EXOC4: variants seen among roughly 807,000 people sequenced by gnomAD.
The protein encoded by EXOC4 is exocyst complex component 4, also known as SEC8-like 1.
EXOC4 carries 71 observed loss-of-function variants against 107.2 expected under a neutral mutation model. That is an observed-to-expected ratio of 0.66 (90% CI 0.55 to 0.81). The LOEUF (loss-of-function observed/expected upper bound fraction) is 0.81. Ranked by LOEUF, EXOC4 falls within the 30% of genes least tolerant of loss-of-function variation. The pLI is 0.00. For synonymous variants in EXOC4, 456 were observed against 441.2 expected, an observed-to-expected ratio of 1.03 and a Z score of -0.42; for missense variants, 1,108 against 1,189.6, an observed-to-expected ratio of 0.93 and a Z score of 1.01.
chr7:133,348,069 A>G (rs1182135639), intron 5 of EXOC4, among the ~76,000 whole-genome samples: 2 of 152,160 alleles, frequency 1.3e-5, no homozygotes, highest in Non-Finnish European at 2.9e-5. Flanking sequence ...TATAATTCTG[A>G]TGTGAGACTT....
chr7:134,050,881 G>A (rs915508153), intron 17 of EXOC4, among the ~76,000 whole-genome samples: 1 of 152,082 alleles, frequency 6.6e-6, no homozygotes, highest in Non-Finnish European at 1.5e-5. Context: ...AGAACTGGGG[G>A]TTAGTCTAGG....
chr7:133,363,026 G>T (rs1584853345), intron 6 of EXOC4, among the ~76,000 whole-genome samples: 1 of 152,184 alleles, frequency 6.6e-6, no homozygotes, highest in African/African-American at 2.4e-5. Flanking sequence ...AAGGGCCTCC[G>T]TGTAATTTAG....
At chr7:133,386,740 T>G (rs1056412320) in intron 7 of EXOC4, among the ~76,000 whole-genome samples, 5 of 152,248 alleles carry the variant, frequency 3.3e-5, no homozygotes, top group Admixed American at 2.6e-4. Context: ...ATGTAGAAAC[T>G]GTTATTGCAC....
intron 10 of EXOC4, among the ~76,000 whole-genome samples, chr7:133,674,811 C>T (rs888610569): frequency 1.3e-5 from 2 of 152,106 alleles, no homozygotes; most frequent in Non-Finnish European, 2.9e-5. Context: ...CACTGATCAT[C>T]CTCTCAGCAG....
chr7:133,892,754 C>T, intron 11 of EXOC4, among the ~76,000 whole-genome samples: 1 of 130,120 alleles, frequency 7.7e-6, no homozygotes, highest in African/African-American at 3.3e-5. Context: ...GAGTCTTAAT[C>T]CTGAGTTCTA....
intron 9 of EXOC4, among the ~76,000 whole-genome samples, chr7:133,615,787 G>A (rs943142475): frequency 6.6e-5 from 10 of 152,028 alleles, no homozygotes; most frequent in African/African-American, 2.4e-4. Flanking sequence ...CAGCTAAATC[G>A]ACAAGTACAT....
At chr7:134,084,719 A>AT in the EXOC4 span, among the ~76,000 whole-genome samples, 1 of 151,230 alleles carries the variant, frequency 6.6e-6, no homozygotes, top group African/African-American at 2.5e-5. Context: ...TAAAAAAAAA[A>AT]AAAAAAAAAA....
intron 9 of EXOC4, among the ~76,000 whole-genome samples, chr7:133,604,424 A>G (rs1448614604): frequency 6.6e-6 from 1 of 152,148 alleles, no homozygotes; most frequent in East Asian, 1.9e-4. Flanking sequence ...GCCTCACTAC[A>G]ATATGTAAGT....
At chr7:133,770,586 A>G (rs545234088) in intron 10 of EXOC4, among the ~76,000 whole-genome samples, 4 of 151,972 alleles carry the variant, frequency 2.6e-5, no homozygotes, top group Non-Finnish European at 5.9e-5. Context: ...CAGACATTGT[A>G]TCAGGCATCA....
At chr7:133,537,631 C>A (rs1800299304) in intron 9 of EXOC4, among the ~76,000 whole-genome samples, 1 of 152,198 alleles carries the variant, frequency 6.6e-6, no homozygotes, top group Non-Finnish European at 1.5e-5. Flanking sequence ...CCACCATGGT[C>A]AGTGACTGTA....
At chr7:133,391,238 T>C (rs1796845396) in intron 7 of EXOC4, among the ~76,000 whole-genome samples, 1 of 152,186 alleles carries the variant, frequency 6.6e-6, no homozygotes, top group Non-Finnish European at 1.5e-5. Context: ...TTGGATATGA[T>C]TTCACAGGAA....
At chr7:134,052,480 T>A (rs1795820890) in intron 17 of EXOC4, among the ~76,000 whole-genome samples, 1 of 146,518 alleles carries the variant, frequency 6.8e-6, no homozygotes, top group Non-Finnish European at 1.5e-5. Context: ...AAGGACTGAT[T>A]TTTTTTTTTT....
intron 11 of EXOC4, among the ~76,000 whole-genome samples, chr7:133,864,912 A>T (rs1029169049): frequency 6.6e-6 from 1 of 152,106 alleles, no homozygotes; most frequent in Non-Finnish European, 1.5e-5. Flanking sequence ...TGGGATAGGG[A>T]TGTTATCTTA....
rs75536081 is a variant in EXOC4 at position 133,515,439 on chromosome 7, G to A, written c.1417+35301G>A. The stretch of plus-strand genomic sequence containing the variant: ...TGTATATATGTACACACATTTATAC[G>A]TGTGTATTTTACATATACATATACA... On this transcript the variant is annotated intron_variant, in intron 9 of 17. Coordinates refer to ENST00000253861, the MANE Select transcript of EXOC4 (RefSeq NM_021807.4). Among the ~76,000 whole-genome samples, 745 of 151,796 alleles carry A rather than the reference G, an allele frequency of 4.9e-3. 5 individuals are homozygous for A. Among genetic ancestry groups the A allele is most frequent in the Middle Eastern group, 0.017 (5 of 294 alleles).
intron 9 of EXOC4, among the ~76,000 whole-genome samples, chr7:133,621,492 C>G (rs1802328640): frequency 6.6e-6 from 1 of 152,200 alleles, no homozygotes; most frequent in Admixed American, 6.5e-5. Flanking sequence ...TTCTAGCAGT[C>G]TACTGACATG....
intron 9 of EXOC4, among the ~76,000 whole-genome samples, chr7:133,595,992 C>A (rs1801660435): frequency 6.6e-6 from 1 of 152,124 alleles, no homozygotes; most frequent in Non-Finnish European, 1.5e-5. Flanking sequence ...CCCAACCAGC[C>A]CCACCTTTTC....
chr7:133,729,115 A>G (rs1795273814), intron 10 of EXOC4, among the ~76,000 whole-genome samples: 1 of 152,150 alleles, frequency 6.6e-6, no homozygotes, highest in South Asian at 2.1e-4. Context: ...TTCTCAGATA[A>G]TGTTGGTTAT....
intron 7 of EXOC4, among the ~76,000 whole-genome samples, chr7:133,414,220 GA>G (rs561555811): frequency 1.2e-3 from 185 of 152,256 alleles, no homozygotes; most frequent in African/African-American, 4.1e-3. Context: ...AATTATAAAA[GA>G]TGCTTAACTT....
intron 10 of EXOC4, among the ~76,000 whole-genome samples, chr7:133,809,018 T>G (rs1797150987): frequency 8.0e-6 from 1 of 125,276 alleles, no homozygotes; most frequent in Non-Finnish European, 1.9e-5. Context: ...GGGTGTTTCA[T>G]TCTCATTCTG....
Sources: gnomAD v4.1 joint callset for allele counts (sites outside exome capture counted in the v4.1 genomes callset) on GRCh38, gnomAD v4.1.1 for gene constraint, MANE v1.5 for transcripts, NCBI Gene and HGNC (gene_info 2026-07-23, HGNC 2026-07-21) for gene names.